CNTNAP2: variants seen among roughly 807,000 people sequenced by gnomAD.
The protein encoded by CNTNAP2 is contactin-associated protein-like 2.
Under a neutral mutation model 155.2 loss-of-function variants are expected in CNTNAP2, and 98 were observed. The observed-to-expected ratio is 0.63, with a 90% CI of 0.54 to 0.75. The LOEUF (loss-of-function observed/expected upper bound fraction) is 0.75. Ranked by LOEUF, CNTNAP2 falls within the 30% of genes least tolerant of loss-of-function variation. The pLI, the probability that CNTNAP2 is intolerant of heterozygous loss-of-function variation, is 0.00. For missense variants in CNTNAP2, 1,727 were observed against 1,688.1 expected (o/e 1.02, Z -0.40); for synonymous variants, 651 against 631.2 (o/e 1.03, Z -0.47).
intron 1 of CNTNAP2, among the ~76,000 whole-genome samples, chr7:146,538,136 G>T (rs1797897923): frequency 6.6e-6 from 1 of 152,104 alleles, no homozygotes; most frequent in African/African-American, 2.4e-5. Flanking sequence ...CGCAACAAAG[G>T]TGATGAGAAG....
intron 21 of CNTNAP2, among the ~76,000 whole-genome samples, chr7:148,302,878 G>A (rs1797420715): frequency 7.0e-6 from 1 of 143,876 alleles, no homozygotes; most frequent in Non-Finnish European, 1.5e-5. Context: ...GAGTGCAGTG[G>A]CAGGATCTCG....
chr7:147,847,417 G>A (rs1233788079), intron 13 of CNTNAP2, among the ~76,000 whole-genome samples: 65 of 115,886 alleles, frequency 5.6e-4, no homozygotes, highest in South Asian at 1.7e-3. Flanking sequence ...CATTCTTCAC[G>A]TAGTTCTCGA....
chr7:146,544,136 G>A (rs1797994242), intron 1 of CNTNAP2, among the ~76,000 whole-genome samples: 1 of 151,904 alleles, frequency 6.6e-6, no homozygotes, highest in South Asian at 2.1e-4. Flanking sequence ...TTAGTACCCT[G>A]AGTTTTCTTG....
intron 10 of CNTNAP2, among the ~76,000 whole-genome samples, chr7:147,408,099 T>G (rs1370836458): frequency 6.6e-6 from 1 of 152,240 alleles, no homozygotes. Context: ...GTTTTAGCCT[T>G]GAAGAATAAT....
At chr7:148,007,839 T>C (rs1473875858) in intron 15 of CNTNAP2, among the ~76,000 whole-genome samples, 1 of 152,206 alleles carries the variant, frequency 6.6e-6, no homozygotes, top group African/African-American at 2.4e-5. Context: ...CTAGGTCTTA[T>C]GCAAGGAACT....
chr7:147,076,984 A>G (rs1800013022), intron 4 of CNTNAP2, among the ~76,000 whole-genome samples: 1 of 152,176 alleles, frequency 6.6e-6, no homozygotes, highest in Non-Finnish European at 1.5e-5. Context: ...TAGTTTCCTG[A>G]GTTTCTTTAA....
rs377597391 is a variant in CNTNAP2, at chr7:147,893,001, A to G, written c.2099-10564A>G. The stretch of plus-strand genomic sequence containing the variant: ...AATTGAATGTTTACATTAGAACTTC[A>G]GAATTACCAGGTTTTCCCAAACTCA... On this transcript the variant is annotated intron_variant, in intron 13 of 23. Coordinates refer to ENST00000361727, the MANE Select transcript of CNTNAP2 (RefSeq NM_014141.6). Among the ~76,000 whole-genome samples the G allele has an allele frequency of 2.0e-5, 3 of 152,252 alleles. No homozygotes were observed. In the East Asian group the frequency reaches 5.8e-4, roughly 29 times the overall value.
chr7:146,121,649 G>A (rs867201512), intron 1 of CNTNAP2, among the ~76,000 whole-genome samples: 2 of 152,018 alleles, frequency 1.3e-5, no homozygotes, highest in Non-Finnish European at 2.9e-5. Flanking sequence ...GTAATTTTAA[G>A]CCTCAAAACC....
intron 1 of CNTNAP2, among the ~76,000 whole-genome samples, chr7:146,394,185 C>T (rs1795586817): frequency 6.6e-6 from 1 of 151,922 alleles, no homozygotes; most frequent in Non-Finnish European, 1.5e-5. Flanking sequence ...ATAAGCTTAT[C>T]TGAAATTGCA....
At chr7:146,536,551 G>GTGCT (rs1344454890) in intron 1 of CNTNAP2, among the ~76,000 whole-genome samples, 6 of 151,898 alleles carry the variant, frequency 4.0e-5, no homozygotes, top group Non-Finnish European at 8.8e-5. Context: ...GAAAAGCAGA[G>GTGCT]TACTGACTGT....
At chr7:146,327,366 G>T (rs548003974) in intron 1 of CNTNAP2, among the ~76,000 whole-genome samples, 2 of 152,330 alleles carry the variant, frequency 1.3e-5, no homozygotes, top group South Asian at 4.1e-4. Context: ...GCATCAGGCA[G>T]ATGGCAGAAG....
At chr7:146,955,604 T>C (rs2129229036) in intron 3 of CNTNAP2, among the ~76,000 whole-genome samples, 1 of 152,132 alleles carries the variant, frequency 6.6e-6, no homozygotes, top group East Asian at 1.9e-4. Context: ...ATATGATAAG[T>C]TTATCGAAGA....
chr7:147,288,301 C>T (rs988694817), intron 8 of CNTNAP2, among the ~76,000 whole-genome samples: 2 of 152,182 alleles, frequency 1.3e-5, no homozygotes, highest in African/African-American at 4.8e-5. Context: ...TATAAGCTCC[C>T]TGAGGGCAGG....
intron 9 of CNTNAP2, among the ~76,000 whole-genome samples, chr7:147,313,132 G>A (rs1795156313): frequency 6.9e-6 from 1 of 145,696 alleles, no homozygotes; most frequent in East Asian, 2.2e-4. Flanking sequence ...TTGTAAATTT[G>A]TTTGAGTTCA....
chr7:146,171,894 A>G (rs1254849229), intron 1 of CNTNAP2, among the ~76,000 whole-genome samples: 5 of 152,068 alleles, frequency 3.3e-5, no homozygotes, highest in Non-Finnish European at 5.9e-5. Flanking sequence ...AATCTATTTC[A>G]TGTCATTAAT....
intron 1 of CNTNAP2, among the ~76,000 whole-genome samples, chr7:146,674,800 A>T (rs567566000): frequency 4.6e-5 from 7 of 152,142 alleles, no homozygotes; most frequent in Admixed American, 1.3e-4. Context: ...TGACTAGGAA[A>T]TGTGTAGTAA....
intron 12 of CNTNAP2, among the ~76,000 whole-genome samples, chr7:147,570,360 A>T (rs536277428): frequency 7.2e-5 from 11 of 152,224 alleles, no homozygotes; most frequent in Non-Finnish European, 1.6e-4. Context: ...TCATAATTCC[A>T]GCAACCTTTA....
At chr7:147,356,811 G>T (rs1179656027) in intron 9 of CNTNAP2, among the ~76,000 whole-genome samples, 5 of 152,044 alleles carry the variant, frequency 3.3e-5, no homozygotes, top group Non-Finnish European at 7.4e-5. Flanking sequence ...GAAATGGAAG[G>T]TCGCTGTATG....
At chr7:148,292,731 A>G (rs1289572489) in intron 21 of CNTNAP2, among the ~76,000 whole-genome samples, 1 of 152,180 alleles carries the variant, frequency 6.6e-6, no homozygotes, top group Non-Finnish European at 1.5e-5. Context: ...AGGATGCTGC[A>G]GGGACCCTGG....
Sources: allele counts gnomAD v4.1 joint callset (sites outside exome capture counted in the v4.1 genomes callset), GRCh38; gene constraint gnomAD v4.1.1; transcripts MANE v1.5; gene names NCBI Gene and HGNC (gene_info 2026-07-23, HGNC 2026-07-21).